Variants in INF2 observed in about 807,000 individuals in gnomAD.
INF2 encodes inverted formin 2, also known as inverted formin-2.
INF2 carries 43 observed loss-of-function variants against 123.5 expected under a neutral mutation model. The observed-to-expected ratio is 0.35, with a 90% CI of 0.27 to 0.45. The LOEUF is 0.45. Ranked by LOEUF, INF2 falls within the 20% of genes least tolerant of loss-of-function variation. INF2 has a pLI of 1.00. For missense variants in INF2, 1,453 were observed against 1,682.7 expected (o/e 0.86, Z 2.39); for synonymous variants, 851 against 745.0 (o/e 1.14, Z -2.32).
chr14:104,709,566 G>T (rs1889946032), intron 11 of INF2, 54 bp from the exon 12 acceptor site: 2 of 1,535,272 alleles, frequency 1.3e-6, no homozygotes, highest in African/African-American at 2.7e-5. Flanking sequence ...GGGCAGTCCG[G>T]GAGGGCGGGA....
In INF2 at chr14:104,699,844, C is replaced by G. The variant is rs570983551; in HGVS notation, c.-9-1513C>G. On this transcript the variant is annotated intron_variant, in intron 1 of 22. Coordinates refer to ENST00000392634, the MANE Select transcript of INF2 (RefSeq NM_022489.4). The surrounding 1 kb of genome is among the most constrained non-coding windows in gnomAD (Gnocchi z 4.7). Reference sequence around the variant, plus strand: ...GGGCCAAGGTCTGCTGGTGAGGGCCCGGGCTGGGGACATGCAGATCAGAAC... The same window carrying G: ...GGGCCAAGGTCTGCTGGTGAGGGCCGGGGCTGGGGACATGCAGATCAGAAC... Among the ~76,000 whole-genome samples, 2 of 152,128 alleles carry G rather than the reference C, an allele frequency of 1.3e-5. No individual in the cohort carries two copies. Among genetic ancestry groups the G allele is most frequent in the Non-Finnish European group, 2.9e-5 (2 of 68,004 alleles).
intron 22 of INF2, among the ~76,000 whole-genome samples, chr14:104,717,863 C>A (rs531575555): frequency 1.3e-5 from 2 of 151,858 alleles, no homozygotes; most frequent in African/African-American, 4.9e-5. Flanking sequence ...CGCCGCCCCT[C>A]GTCCGAGCGT....
rs1009558770 is a variant in INF2 at position 104,722,136 on chromosome 14, T to C, written c.*3343T>C. 2.0e-5 allele frequency: 3 copies of C among 151,972 alleles called. No homozygotes were observed. The East Asian group carries it at 5.8e-4, about 29-fold the overall frequency. The allele number at this position is 151,972 out of a possible 1,614,324, so 9.4% of individuals were successfully genotyped here. ...CAGGCCCACTGTGGGGGGTAAGGGG[T>C]GGAGGTGTTCTAATTCGGGCTGAGC... On this transcript the variant is annotated 3_prime_UTR_variant, in exon 23 of 23. Transcript: ENST00000392634.
intron 5 of INF2, chr14:104,704,258 CAG>C (rs1336408803): frequency 1.7e-6 from 2 of 1,165,654 alleles, no homozygotes; most frequent in African/African-American, 1.6e-5. Flanking sequence ...AACCCAGAAA[CAG>C]AAAATGAAAT....
chr14:104,708,715 C>G lies in INF2; in HGVS notation c.1932C>G (p.Phe644Leu), dbSNP rs966287674. 2 of 1,613,120 alleles carry G rather than the reference C, an allele frequency of 1.2e-6. No homozygotes were observed. Among genetic ancestry groups the G allele is most frequent in the Non-Finnish European group, 1.7e-6 (2 of 1,179,854 alleles). The change falls in exon 10 of 23, where the codon TTC becomes TTG. Residue 644 changes from phenylalanine (F) to leucine (L), a missense_variant. Physicochemically the swap from Phe to Leu is conservative, Grantham distance 22. Transcript: ENST00000392634. ...DAKKSLNLNIFLKQFKCSNEE... is the reference protein window; with the variant it reads ...DAKKSLNLNILLKQFKCSNEE... ...AGAAGAGCCTGAACCTCAACATCTT[C>G]CTGAAGCAATTTAAGTGGTGAGTGA...
chr14:104,681,697 C>A, intron 1 of INF2: 2 of 857,720 alleles, frequency 2.3e-6, no homozygotes, highest in Non-Finnish European at 3.3e-6. Flanking sequence ...CCCCTGAGGT[C>A]CCGGAGGGCA....
rs1364024401 is a variant in INF2 at position 104,713,305 on chromosome 14, G to GCCTGGTGAGGCTGGGC, written c.2876_2878+13dup. 1.3e-6 allele frequency: 2 copies of GCCTGGTGAGGCTGGGC among 1,550,666 alleles called. No homozygotes were observed. Among genetic ancestry groups the GCCTGGTGAGGCTGGGC allele is most frequent in the African/African-American group, 1.4e-5 (1 of 73,102 alleles). ...GGCGGCCTCGGGGAGAGGACGGGAA[G>GCCTGGTGAGGCTGGGC]CCTGGTGAGGCTGGGCCGGCTGGGC... On this transcript the variant is annotated frameshift_variant, in exon 19 of 23. Coordinates refer to ENST00000392634, the MANE Select transcript of INF2 (RefSeq NM_022489.4). LOFTEE classifies it high-confidence loss of function.
In INF2 at chr14:104,707,069, G is replaced by A. The variant is rs1452249862; in HGVS notation, c.985+18G>A. 3.2e-6 allele frequency: 5 copies of A among 1,567,284 alleles called. No individual in the cohort carries two copies. Among genetic ancestry groups the A allele is most frequent in the Non-Finnish European group, 4.3e-6 (5 of 1,164,314 alleles). On this transcript the variant is annotated intron_variant, in intron 7 of 22. Coordinates refer to ENST00000392634, the MANE Select transcript of INF2 (RefSeq NM_022489.4). Reference sequence around the variant, plus strand: ...CAGCGATGGTGAGGGGGCGGGGCAGGGGCGTAGGCACAGCCTGGTGGGCAG... The same window carrying A: ...CAGCGATGGTGAGGGGGCGGGGCAGAGGCGTAGGCACAGCCTGGTGGGCAG...
chr14:104,695,582 TCTCCTCCCAGTGACCC>T (rs139754025), intron 1 of INF2, among the ~76,000 whole-genome samples: 1 of 149,760 alleles, frequency 6.7e-6, no homozygotes, highest in African/African-American at 2.5e-5. Flanking sequence ...GCTTGCCGAC[TCTCCTCCCAGTGACCC>T]CTCCTCCCAG....
chr14:104,713,061 G>C (rs1010484910), intron 18 of INF2, 69 bp downstream of exon 18: 5 of 1,608,022 alleles, frequency 3.1e-6, no homozygotes, highest in Non-Finnish European at 4.2e-6. Context: ...GCCTTCCTCC[G>C]GCAGGATGGG....
chr14:104,716,499 C>T (rs986088842), intron 22 of INF2, among the ~76,000 whole-genome samples: 2 of 152,176 alleles, frequency 1.3e-5, no homozygotes, highest in African/African-American at 4.8e-5. Context: ...AACAGTGGAG[C>T]ATGCAGGTCT....
chr14:104,709,198 C>T, intron 10 of INF2, 83 bp from the exon 11 acceptor site: 1 of 1,082,122 alleles, frequency 9.2e-7, no homozygotes. Flanking sequence ...CGTGGGGAAA[C>T]CCTGCCAGGT....
chr14:104,697,887 C>CGGG lies in INF2; in HGVS notation c.-9-3464_-9-3462dup, dbSNP rs58831678. 7.9e-3 allele frequency among the ~76,000 whole-genome samples: 1,194 copies of CGGG among 151,888 alleles called. 8 individuals are homozygous for CGGG. Among genetic ancestry groups the CGGG allele is most frequent in the African/African-American group, 0.027 (1,120 of 41,358 alleles). On this transcript the variant is annotated intron_variant, in intron 1 of 22. Coordinates refer to ENST00000392634, the MANE Select transcript of INF2 (RefSeq NM_022489.4). ...AGTTCCATTGGTGCTGGTGGACTGC[C>CGGG]GGGGGGGGTGGATGGGACGCCCCTT...
At chr14:104,718,647 T>C in intron 22 of INF2, 148 bp from the exon 23 acceptor site, 1 of 1,404,562 alleles carries the variant, frequency 7.1e-7, no homozygotes. Context: ...AGAAAGAGCC[T>C]GGGGTCAGAG....
In INF2 at chr14:104,710,134, G is replaced by A. The variant is rs533208785; in HGVS notation, c.2185G>A (p.Ala729Thr). The A allele has an allele frequency of 3.8e-5, 59 of 1,553,288 alleles. 1 individual carries two copies. The Middle Eastern group carries it at 6.7e-4, about 18-fold the overall frequency. ...ECMLLCEGAA[A>T]VLDMVRPKAQ... ...CATGCTGCTGTGTGAGGGCGCGGCC[G>A]CCGTGCTGGACATGGTGCGGCCCAA... is the stretch of plus-strand genomic sequence containing the variant. The change falls in exon 13 of 23, where the codon GCC becomes ACC. Residue 729 changes from alanine (A) to threonine (T), a missense_variant. By Grantham distance (58) the Ala-to-Thr change is moderately conservative. This residue lies in a region of INF2 where 192 missense variants were observed against 274.4 expected (regional missense o/e 0.70). Coordinates refer to ENST00000392634, the MANE Select transcript of INF2 (RefSeq NM_022489.4).
intron 1 of INF2, among the ~76,000 whole-genome samples, chr14:104,696,562 T>C (rs1889202104): frequency 6.6e-6 from 1 of 152,124 alleles, no homozygotes; most frequent in African/African-American, 2.4e-5. Flanking sequence ...TCAAAGGAGC[T>C]GGGAGTCTGA....
rs142710295 is a variant in INF2 at position 104,718,803 on chromosome 14, C to T, written c.*10C>T. 1,687 of 1,613,072 alleles carry T rather than the reference C, an allele frequency of 1.0e-3. 14 individuals are homozygous for T. The African/African-American group carries it at 0.02, about 20-fold the overall frequency. On this transcript the variant is annotated 3_prime_UTR_variant, in exon 23 of 23. Coordinates refer to ENST00000392634, the MANE Select transcript of INF2 (RefSeq NM_022489.4). ...TTTTCTCTCTCTTACAGGCCTCAGG[C>T]CCAGGCCCAAGGCCAAGTGAGAGAG...
rs1595187527 is a variant in INF2 at position 104,720,406 on chromosome 14, CGTCCTCGTGTGG to C, written c.*1614_*1625del. 1.5e-5 allele frequency: 2 copies of C among 133,520 alleles called. No homozygotes were observed. Among genetic ancestry groups the C allele is most frequent in the East Asian group, 4.5e-4 (2 of 4,408 alleles). The allele number at this position is 133,520 out of a possible 1,614,324, so 8.3% of individuals were successfully genotyped here. On this transcript the variant is annotated 3_prime_UTR_variant, in exon 23 of 23. Coordinates refer to ENST00000392634, the MANE Select transcript of INF2 (RefSeq NM_022489.4). ...TGGATGCTGCTGTGGACGTCTGCGT[CGTCCTCGTGTGG>C]ATGCTGCTGTGGACGTCTGCGTAGT...
chr14:104,718,889 G>A lies in INF2; in HGVS notation c.*96G>A, dbSNP rs1595186004. Reference sequence around the variant, plus strand: ...GAGGCTCTTCTGGGGGCCAGGCTGGGACTGGGCCCCGGAAACCAAAACTCC... The same window carrying A: ...GAGGCTCTTCTGGGGGCCAGGCTGGAACTGGGCCCCGGAAACCAAAACTCC... On this transcript the variant is annotated 3_prime_UTR_variant, in exon 23 of 23. Coordinates refer to ENST00000392634, the MANE Select transcript of INF2 (RefSeq NM_022489.4). The A allele has an allele frequency of 6.4e-7, 1 of 1,571,112 alleles. No individual in the cohort carries two copies. The highest frequency in any genetic ancestry group is 2.0e-5 in the Admixed American group (1 of 50,656).
Sources: gnomAD v4.1 joint callset for allele counts (sites outside exome capture counted in the v4.1 genomes callset) on GRCh38, gnomAD v4.1.1 for gene constraint, gnomAD v4.1.1 regional missense constraint, Gnocchi (gnomAD v3.1) non-coding constraint, MANE v1.5 for transcripts, NCBI Gene and HGNC (gene_info 2026-07-23, HGNC 2026-07-21) for gene names.